The following CDH22 variants were observed in gnomAD, a reference collection of about 807,000 sequenced individuals.
CDH22 encodes the protein cadherin 22.
Under a neutral mutation model 58.4 loss-of-function variants are expected in CDH22, and 30 were observed. The observed-to-expected ratio is 0.51, with a 90% CI of 0.38 to 0.70. The LOEUF is 0.70. Among genes scored for constraint, CDH22 ranks in the 30% least tolerant of loss-of-function variants. CDH22 has a pLI of 0.00. For synonymous variants in CDH22, 513 were observed against 558.2 expected (o/e 0.92, Z 1.14); for missense variants, 1,014 against 1,233.9 (o/e 0.82, Z 2.67).
chr20:46,205,736 G>C (rs3092738), intron 7 of CDH22, among the ~76,000 whole-genome samples: 87,659 of 151,986 alleles, frequency 0.58, 25,564 homozygotes, highest in Non-Finnish European at 0.61. Flanking sequence ...CCACTGCCTA[G>C]AGGATAAAGT....
chr20:46,301,336 G>T (rs1275830317), intron 1 of CDH22, among the ~76,000 whole-genome samples: 1 of 151,930 alleles, frequency 6.6e-6, no homozygotes, highest in Non-Finnish European at 1.5e-5. Flanking sequence ...GGTAGGTTTT[G>T]TTACAACCAT....
rs1232964379 is a variant in CDH22 at position 46,174,309 on chromosome 20, C to A, written c.*197G>T. Reference sequence around the variant, plus strand: ...TAATGCCGTTGGTCAGAATCCCGCACCTCTGGGCTCCAAAGCTGCACCCCT... The same window carrying A: ...TAATGCCGTTGGTCAGAATCCCGCAACTCTGGGCTCCAAAGCTGCACCCCT... On this transcript the variant is annotated 3_prime_UTR_variant, in exon 12 of 12. Coordinates refer to ENST00000537909, the MANE Select transcript of CDH22 (RefSeq NM_021248.3). This position sits in a 1 kb window ranked among gnomAD's most constrained non-coding sequence, Gnocchi z 4.4. 2 of 518,360 alleles carry A rather than the reference C, an allele frequency of 3.9e-6. No individual in the cohort carries two copies. The highest frequency in any genetic ancestry group is 6.7e-6 in the Non-Finnish European group (2 of 298,444). 32.1% of individuals were successfully genotyped at this position (518,360 alleles called of 1,614,324 possible). A position where few individuals can be genotyped will look rare whatever the true frequency, so the allele number is the denominator to read the frequency against.
At chr20:46,223,671 T>TTCTC (rs1403029531) in intron 4 of CDH22, among the ~76,000 whole-genome samples, 1 of 51,918 alleles carries the variant, frequency 1.9e-5, no homozygotes, top group Admixed American at 1.8e-4. Flanking sequence ...CTTTCCTTCT[T>TTCTC]TCTTTCTTTC....
intron 10 of CDH22, among the ~76,000 whole-genome samples, chr20:46,185,153 A>G (rs1673228678): frequency 6.6e-6 from 1 of 151,816 alleles, no homozygotes; most frequent in Non-Finnish European, 1.5e-5. Flanking sequence ...ACACACACAC[A>G]CACACACACA....
chr20:46,214,668 C>A (rs2086070060), intron 5 of CDH22, among the ~76,000 whole-genome samples: 2 of 152,214 alleles, frequency 1.3e-5, no homozygotes, highest in African/African-American at 4.8e-5. Flanking sequence ...CATCCCCTCT[C>A]CCTGTCCTCC....
intron 7 of CDH22, among the ~76,000 whole-genome samples, chr20:46,203,019 G>T (rs1043247265): frequency 3.3e-5 from 5 of 152,118 alleles, no homozygotes; most frequent in African/African-American, 1.2e-4. Flanking sequence ...CCTCCATGCT[G>T]CTGCTGCTCC....
intron 3 of CDH22, among the ~76,000 whole-genome samples, chr20:46,228,030 C>T (rs905996608): frequency 2.4e-4 from 36 of 152,320 alleles, no homozygotes; most frequent in Admixed American, 4.6e-4. Flanking sequence ...TCAATGATGG[C>T]GACAATCATT....
chr20:46,222,935 A>G (rs964067995), intron 4 of CDH22, among the ~76,000 whole-genome samples: 1 of 152,236 alleles, frequency 6.6e-6, no homozygotes, highest in African/African-American at 2.4e-5. Flanking sequence ...CAGCTGCTAA[A>G]TATAGACCCG....
intron 11 of CDH22, among the ~76,000 whole-genome samples, chr20:46,177,390 A>G (rs1041890938): frequency 4.6e-5 from 7 of 152,144 alleles, no homozygotes; most frequent in Non-Finnish European, 7.3e-5. Flanking sequence ...GTACCAGTGT[A>G]GATTTTGCCC....
chr20:46,306,322 G>A (rs1022638381), intron 1 of CDH22, among the ~76,000 whole-genome samples: 20 of 152,266 alleles, frequency 1.3e-4, no homozygotes, highest in African/African-American at 4.8e-4. Context: ...TGTGACCTCG[G>A]GCTGCTGTTG....
intron 1 of CDH22, among the ~76,000 whole-genome samples, chr20:46,277,277 C>A (rs145866866): frequency 6.6e-6 from 1 of 152,044 alleles, no homozygotes. Context: ...GGTGTATGAA[C>A]CAAACGTTTT....
At chr20:46,195,863 G>A (rs1329718964) in intron 8 of CDH22, among the ~76,000 whole-genome samples, 4 of 152,096 alleles carry the variant, frequency 2.6e-5, no homozygotes, top group African/African-American at 4.8e-5. Context: ...TATGACAGGC[G>A]GTGGCTCCTG....
chr20:46,198,287 GACACACACACACACACACAC>G (rs368091518), intron 8 of CDH22, among the ~76,000 whole-genome samples: 8 of 128,632 alleles, frequency 6.2e-5, no homozygotes, highest in Non-Finnish European at 1.3e-4. Flanking sequence ...GCACCAAAAA[GACACACACACACACACACAC>G]ACACACACAC....
chr20:46,209,348 T>C (rs2425783), intron 7 of CDH22, among the ~76,000 whole-genome samples: 89,004 of 151,942 alleles, frequency 0.59, 26,820 homozygotes, highest in Middle Eastern at 0.72. Context: ...GCCAGTGTGG[T>C]TGCAGCAGAG....
intron 8 of CDH22, among the ~76,000 whole-genome samples, chr20:46,193,468 T>G (rs1045386149): frequency 1.3e-5 from 2 of 152,080 alleles, no homozygotes. Flanking sequence ...GACTCCATGT[T>G]TGCCCCCTCC....
chr20:46,283,882 A>G lies in CDH22; in HGVS notation c.-400+24373T>C, dbSNP rs2086562063. Among the ~76,000 whole-genome samples the G allele has an allele frequency of 3.9e-5, 6 of 152,160 alleles. No individual in the cohort carries two copies. The South Asian group carries it at 6.2e-4, about 16-fold the overall frequency. ...ACCCCGTGAGCCAAAGCAGGAGCGG[A>G]GGATCCCACCACAGCCAAATGTTGC... On this transcript the variant is annotated intron_variant, in intron 1 of 11. Coordinates refer to ENST00000537909, the MANE Select transcript of CDH22 (RefSeq NM_021248.3).
chr20:46,186,815 C>T lies in CDH22; in HGVS notation c.1545+11G>A. The T allele has an allele frequency of 1.3e-6, 2 of 1,599,252 alleles. No individual in the cohort carries two copies. Among genetic ancestry groups the T allele is most frequent in the Admixed American group, 1.7e-5 (1 of 59,040 alleles). ...GGAAGCAACGCCCAGTCCCCACCCCCTCAGGGGTACCTGGCCTGGCTTGGC... is the reference window on the plus strand; with the variant it reads ...GGAAGCAACGCCCAGTCCCCACCCCTTCAGGGGTACCTGGCCTGGCTTGGC... On this transcript the variant is annotated intron_variant, in intron 9 of 11. Coordinates refer to ENST00000537909, the MANE Select transcript of CDH22 (RefSeq NM_021248.3).
At chr20:46,182,903 G>A (rs2085799234) in intron 10 of CDH22, among the ~76,000 whole-genome samples, 1 of 152,208 alleles carries the variant, frequency 6.6e-6, no homozygotes, top group Non-Finnish European at 1.5e-5. Context: ...AGGGGCTGAG[G>A]GACTGGAGGA....
intron 1 of CDH22, among the ~76,000 whole-genome samples, chr20:46,253,421 A>AG (rs2086390872): frequency 1.3e-5 from 2 of 152,062 alleles, no homozygotes; most frequent in Admixed American, 1.3e-4. Flanking sequence ...GGAGGGATGG[A>AG]GGGAGGGGTC....
Sources: allele counts gnomAD v4.1 joint callset (sites outside exome capture counted in the v4.1 genomes callset), GRCh38; gene constraint gnomAD v4.1.1; non-coding constraint Gnocchi (gnomAD v3.1); transcripts MANE v1.5; gene names NCBI Gene and HGNC (gene_info 2026-07-23, HGNC 2026-07-21).